The following CAPZB variants were observed in gnomAD, a reference collection of about 807,000 sequenced individuals.
The protein encoded by CAPZB is capping actin protein of muscle Z-line subunit beta, also known as F-actin-capping protein subunit beta.
In CAPZB, 2 loss-of-function variants were observed where a neutral mutation model predicts 38.1. That is an observed-to-expected ratio of 0.05 (90% CI 0.02 to 0.17). The LOEUF (loss-of-function observed/expected upper bound fraction) is 0.17. CAPZB is among the 10% of genes least tolerant of loss of function. The pLI is 1.00. For missense variants in CAPZB, 161 were observed against 334.2 expected, an observed-to-expected ratio of 0.48 and a Z score of 4.04; for synonymous variants, 107 against 127.4, an observed-to-expected ratio of 0.84 and a Z score of 1.08.
At chr1:19,474,152 C>T (rs1213524638) in intron 1 of CAPZB, among the ~76,000 whole-genome samples, 1 of 152,048 alleles carries the variant, frequency 6.6e-6, no homozygotes, top group African/African-American at 2.4e-5. Context: ...TGTGCCACCA[C>T]ATTTGGCTAA....
At chr1:19,369,014 T>A (rs1460597652) in intron 4 of CAPZB, among the ~76,000 whole-genome samples, 1 of 152,220 alleles carries the variant, frequency 6.6e-6, no homozygotes, top group Non-Finnish European at 1.5e-5. Flanking sequence ...AAAGAGTGAC[T>A]GTGTGCCATC....
chr1:19,371,452 G>A (rs533393576), intron 4 of CAPZB, among the ~76,000 whole-genome samples: 4 of 152,334 alleles, frequency 2.6e-5, no homozygotes, highest in South Asian at 2.1e-4. Flanking sequence ...CGCACAGTGT[G>A]TCACTGAGTG....
intron 6 of CAPZB, among the ~76,000 whole-genome samples, chr1:19,354,441 G>A (rs2094009255): frequency 2.0e-5 from 3 of 152,180 alleles, no homozygotes; most frequent in African/African-American, 7.2e-5. Context: ...TCCCCCTTCT[G>A]TAGTTACTTA....
chr1:19,345,307 G>C (rs1381971936), intron 6 of CAPZB, 55 bp from the exon 7 acceptor site: 3 of 1,402,804 alleles, frequency 2.1e-6, no homozygotes, highest in Non-Finnish European at 3.0e-6. Context: ...TCTGAGAACG[G>C]CAGACAGCCC....
intron 2 of CAPZB, among the ~76,000 whole-genome samples, chr1:19,408,832 C>G (rs970782932): frequency 6.6e-6 from 1 of 152,214 alleles, no homozygotes; most frequent in Admixed American, 6.5e-5. Flanking sequence ...GCCAAGGCAC[C>G]TTCTTAATGG....
chr1:19,425,021 A>G (rs2094417230), intron 1 of CAPZB, among the ~76,000 whole-genome samples: 1 of 152,284 alleles, frequency 6.6e-6, no homozygotes. Context: ...GAGAAGGTAC[A>G]AAGAGACAAG....
At chr1:19,423,071 T>C (rs913019043) in intron 1 of CAPZB, among the ~76,000 whole-genome samples, 1 of 152,190 alleles carries the variant, frequency 6.6e-6, no homozygotes, top group African/African-American at 2.4e-5. Context: ...CAGTCCTCTG[T>C]AGACCTGTAT....
intron 1 of CAPZB, among the ~76,000 whole-genome samples, chr1:19,427,364 C>T (rs1408282265): frequency 1.3e-5 from 2 of 152,192 alleles, no homozygotes; most frequent in African/African-American, 2.4e-5. Flanking sequence ...TTTACATTCC[C>T]GAGAGGCTTA....
chr1:19,413,487 C>T (rs1334327179), intron 2 of CAPZB, among the ~76,000 whole-genome samples: 3 of 152,198 alleles, frequency 2.0e-5, no homozygotes, highest in Non-Finnish European at 4.4e-5. Context: ...GCGCATGCCA[C>T]CATGCCCAAA....
chr1:19,468,443 G>A lies in CAPZB; in HGVS notation c.3+16993C>T, dbSNP rs567002871. Among the ~76,000 whole-genome samples, 304 of 152,258 alleles carry A rather than the reference G, an allele frequency of 2.0e-3. 3 individuals carry two copies. Among genetic ancestry groups the A allele is most frequent in the Middle Eastern group, 3.4e-3 (1 of 294 alleles). On this transcript the variant is annotated intron_variant, in intron 1 of 8. Coordinates refer to ENST00000264202, the MANE Select transcript of CAPZB (RefSeq NM_004930.5). ...AGCCTGTGGGCCTTTCACTAGCTCG[G>A]GGTCCCCAAGGCCTGGAACATAGGA...
intron 2 of CAPZB, among the ~76,000 whole-genome samples, chr1:19,388,772 T>C (rs1215319064): frequency 6.6e-6 from 1 of 152,226 alleles, no homozygotes; most frequent in Non-Finnish European, 1.5e-5. Context: ...AGCCCAAGAC[T>C]GTTCATTTGT....
At chr1:19,443,795 T>A (rs1053663365) in intron 1 of CAPZB, among the ~76,000 whole-genome samples, 2 of 152,142 alleles carry the variant, frequency 1.3e-5, no homozygotes, top group Non-Finnish European at 2.9e-5. Context: ...GTGAGGCATG[T>A]CCCAGACTCA....
At chr1:19,378,848 TG>T (rs1240201535) in intron 3 of CAPZB, among the ~76,000 whole-genome samples, 195 bp from the exon 4 acceptor site, 1 of 152,130 alleles carries the variant, frequency 6.6e-6, no homozygotes, top group Non-Finnish European at 1.5e-5. Flanking sequence ...GCGGGCAGAC[TG>T]GGGCACACGC....
intron 1 of CAPZB, among the ~76,000 whole-genome samples, chr1:19,481,384 A>T (rs528192348): frequency 1.1e-3 from 170 of 152,264 alleles, no homozygotes; most frequent in Non-Finnish European, 2.2e-3. Flanking sequence ...TCCTGTATTT[A>T]CGGGGCCCTC....
intron 4 of CAPZB, among the ~76,000 whole-genome samples, chr1:19,363,588 A>G (rs2094066357): frequency 6.6e-6 from 1 of 152,206 alleles, no homozygotes; most frequent in Admixed American, 6.5e-5. Context: ...CACACTCAAA[A>G]TGACCTAATT....
intron 1 of CAPZB, among the ~76,000 whole-genome samples, chr1:19,437,343 C>T (rs2094461397): frequency 6.6e-6 from 1 of 152,102 alleles, no homozygotes; most frequent in Admixed American, 6.5e-5. Flanking sequence ...GATATCATAA[C>T]CCTAACAACA....
At chr1:19,457,352 C>T (rs889335141) in intron 1 of CAPZB, among the ~76,000 whole-genome samples, 3 of 152,256 alleles carry the variant, frequency 2.0e-5, no homozygotes, top group Non-Finnish European at 2.9e-5. Flanking sequence ...TGCTCGCTTC[C>T]GGGCTTGATC....
intron 2 of CAPZB, among the ~76,000 whole-genome samples, chr1:19,419,026 A>G (rs2094391316): frequency 6.6e-6 from 1 of 152,210 alleles, no homozygotes. Flanking sequence ...TTTCTTTCCA[A>G]TATTTCCTAT....
At chr1:19,441,295 A>G (rs2094475584) in intron 1 of CAPZB, among the ~76,000 whole-genome samples, 1 of 152,292 alleles carries the variant, frequency 6.6e-6, no homozygotes, top group East Asian at 1.9e-4. Context: ...TGCTGGCCTG[A>G]GCACAACAGG....
Sources: gnomAD v4.1 joint callset for allele counts (sites outside exome capture counted in the v4.1 genomes callset) on GRCh38, gnomAD v4.1.1 for gene constraint, MANE v1.5 for transcripts, NCBI Gene and HGNC (gene_info 2026-07-23, HGNC 2026-07-21) for gene names.